TDRD7: variants seen among roughly 807,000 people sequenced by gnomAD.
TDRD7 encodes tudor domain containing 7, also known as tudor domain-containing protein 7.
A neutral mutation model predicts 109.8 loss-of-function variants in TDRD7; 47 were observed. The observed-to-expected ratio is 0.43, with a 90% CI of 0.34 to 0.55. TDRD7 has a LOEUF of 0.55. Ranked by LOEUF, TDRD7 falls within the 20% of genes least tolerant of loss-of-function variation. The probability of loss-of-function intolerance (pLI) is 0.03; values close to 1 mark genes in which losing one functional copy is unlikely to be tolerated. For missense variants in TDRD7, 1,164 were observed against 1,319.2 expected (o/e 0.88, Z 1.82); for synonymous variants, 424 against 457.3 (o/e 0.93, Z 0.93).
chr9:97,481,601 A>T (rs567160099), intron 14 of TDRD7, among the ~76,000 whole-genome samples: 31 of 152,324 alleles, frequency 2.0e-4, no homozygotes, highest in African/African-American at 7.2e-4. Flanking sequence ...CCTCTAAATT[A>T]TTCTAGCTAG....
intron 10 of TDRD7, 70 bp from the exon 11 acceptor site, chr9:97,473,422 A>C (rs1304106802): frequency 6.2e-7 from 1 of 1,602,476 alleles, no homozygotes; most frequent in African/African-American, 1.3e-5. Flanking sequence ...GTTTAGGTAG[A>C]TACCCTTTAG....
At chr9:97,425,302 C>T (rs1827968762) in intron 1 of TDRD7, among the ~76,000 whole-genome samples, 1 of 152,142 alleles carries the variant, frequency 6.6e-6, no homozygotes, top group South Asian at 2.1e-4. Context: ...TTTTGGTCAA[C>T]AATGGACTGC....
At chr9:97,435,037 G>A (rs1828169484) in intron 4 of TDRD7, among the ~76,000 whole-genome samples, 1 of 152,140 alleles carries the variant, frequency 6.6e-6, no homozygotes, top group African/African-American at 2.4e-5. Context: ...GGATGGGTAT[G>A]GCTATAAAGA....
At chr9:97,457,472 G>A (rs1363720193) in intron 6 of TDRD7, among the ~76,000 whole-genome samples, 5 of 151,930 alleles carry the variant, frequency 3.3e-5, no homozygotes, top group Admixed American at 6.6e-5. Flanking sequence ...TCTGCCTCCC[G>A]GGTTCAAGTG....
chr9:97,488,812 A>T (rs1373121690), intron 16 of TDRD7, among the ~76,000 whole-genome samples: 1 of 152,144 alleles, frequency 6.6e-6, no homozygotes, highest in African/African-American at 2.4e-5. Context: ...GTTTCCCTCT[A>T]AGTACAGCTT....
At chr9:97,448,484 C>T (rs1828437244) in intron 6 of TDRD7, among the ~76,000 whole-genome samples, 1 of 152,236 alleles carries the variant, frequency 6.6e-6, no homozygotes, top group Non-Finnish European at 1.5e-5. Flanking sequence ...AAGTCATCAG[C>T]TGGTCAACCT....
intron 1 of TDRD7, among the ~76,000 whole-genome samples, chr9:97,418,766 T>C (rs918040831): frequency 1.3e-5 from 2 of 152,186 alleles, no homozygotes; most frequent in Admixed American, 1.3e-4. Flanking sequence ...ATCACAGTGT[T>C]CTGTTAGGTT....
chr9:97,442,094 T>C (rs1203893259), intron 6 of TDRD7, among the ~76,000 whole-genome samples: 1 of 152,226 alleles, frequency 6.6e-6, no homozygotes, highest in Non-Finnish European at 1.5e-5. Context: ...TATTTTTATA[T>C]ATTTTGTTTT....
intron 12 of TDRD7, among the ~76,000 whole-genome samples, chr9:97,477,495 C>CA (rs1829043177): frequency 6.6e-6 from 1 of 152,030 alleles, no homozygotes; most frequent in Non-Finnish European, 1.5e-5. Flanking sequence ...TTAGGTTATG[C>CA]ATTTTTGGCA....
intron 1 of TDRD7, among the ~76,000 whole-genome samples, chr9:97,415,136 C>T (rs1827791042): frequency 6.6e-6 from 1 of 152,138 alleles, no homozygotes; most frequent in Non-Finnish European, 1.5e-5. Flanking sequence ...TTCAGTTTAC[C>T]CTAATAATTC....
At chr9:97,424,375 TG>T (rs748610154) in intron 1 of TDRD7, among the ~76,000 whole-genome samples, 1 of 152,090 alleles carries the variant, frequency 6.6e-6, no homozygotes, top group Non-Finnish European at 1.5e-5. Context: ...ATTTTCTTAC[TG>T]ATTTTATTTT....
intron 7 of TDRD7, among the ~76,000 whole-genome samples, chr9:97,464,136 C>T (rs1422635816): frequency 5.9e-5 from 9 of 152,222 alleles, no homozygotes; most frequent in African/African-American, 1.9e-4. Flanking sequence ...CATCGACCCT[C>T]ACTTCTCTGG....
chr9:97,439,396 T>G, intron 5 of TDRD7, 78 bp downstream of exon 5: 1 of 1,191,556 alleles, frequency 8.4e-7, no homozygotes, highest in Non-Finnish European at 1.2e-6. Context: ...CTTTTGACAT[T>G]TGCTCTCACC....
At chr9:97,484,502 T>C (rs1311427510) in intron 15 of TDRD7, among the ~76,000 whole-genome samples, 4 of 149,072 alleles carry the variant, frequency 2.7e-5, no homozygotes, top group Non-Finnish European at 3.0e-5. Context: ...ACCCCAAAAC[T>C]CAGTTTAAAA....
At chr9:97,440,929 C>T (rs1015054349) in intron 5 of TDRD7, among the ~76,000 whole-genome samples, 1 of 152,140 alleles carries the variant, frequency 6.6e-6, no homozygotes, top group Non-Finnish European at 1.5e-5. Flanking sequence ...TTAACTCTCA[C>T]ATTCTAAGTT....
At chr9:97,477,325 C>G (rs1829040478) in intron 12 of TDRD7, among the ~76,000 whole-genome samples, 1 of 152,124 alleles carries the variant, frequency 6.6e-6, no homozygotes, top group Non-Finnish European at 1.5e-5. Flanking sequence ...TTTTTCTGCT[C>G]CAGCATACAA....
intron 13 of TDRD7, among the ~76,000 whole-genome samples, chr9:97,479,490 C>A (rs573272748): frequency 6.6e-6 from 1 of 152,306 alleles, no homozygotes; most frequent in South Asian, 2.1e-4. Flanking sequence ...TGTCCCACCG[C>A]TGTGATTGTC....
chr9:97,413,156 G>C (rs975248478), intron 1 of TDRD7, among the ~76,000 whole-genome samples: 2 of 152,052 alleles, frequency 1.3e-5, no homozygotes, highest in African/African-American at 2.4e-5. Context: ...CAATCGTGCC[G>C]GTGAAAAAAA....
Position 97,439,286 on chromosome 9 carries a change from A to C in TDRD7, c.605A>C (p.His202Pro). The C allele has an allele frequency of 6.2e-7, 1 of 1,603,164 alleles. No homozygotes were observed. The highest frequency in any genetic ancestry group is 2.2e-5 in the East Asian group (1 of 44,814). ...KASLQPPLQM[H>P]LSRTSTKEMS... is the part of the protein sequence containing the mutation. ...TCCCTTCAACCACCTTTGCAGATGC[A>C]TCTCTCAAGAACCTCTACTAAGGAA... is the stretch of plus-strand genomic sequence containing the variant. The change falls in exon 5 of 17, where the codon CAT (histidine) becomes CCT (proline). Residue 202 changes from histidine to proline, a missense_variant. Physicochemically the swap from His to Pro is moderately conservative, Grantham distance 77. This residue lies in a region of TDRD7 where 407 missense variants were observed against 394.0 expected (regional missense o/e 1.03). Transcript: ENST00000355295.
Sources: gnomAD v4.1 joint callset for allele counts (sites outside exome capture counted in the v4.1 genomes callset) on GRCh38, gnomAD v4.1.1 for gene constraint, gnomAD v4.1.1 regional missense constraint, MANE v1.5 for transcripts, NCBI Gene and HGNC (gene_info 2026-07-23, HGNC 2026-07-21) for gene names.